GRIN3A: variants seen among roughly 807,000 people sequenced by gnomAD.
The protein encoded by GRIN3A is glutamate receptor ionotropic, NMDA 3A.
GRIN3A carries 47 observed loss-of-function variants against 92.4 expected under a neutral mutation model. The observed-to-expected ratio is 0.51, with a 90% CI of 0.40 to 0.65. The LOEUF (loss-of-function observed/expected upper bound fraction) is 0.65. GRIN3A is among the 30% of genes least tolerant of loss of function. GRIN3A has a pLI of 0.00. For synonymous variants in GRIN3A, 527 were observed against 540.6 expected (o/e 0.97, Z 0.35); for missense variants, 1,324 against 1,393.1 (o/e 0.95, Z 0.79).
At chr9:101,628,921 G>T (rs1171315661) in intron 3 of GRIN3A, among the ~76,000 whole-genome samples, 1 of 149,364 alleles carries the variant, frequency 6.7e-6, no homozygotes, top group Non-Finnish European at 1.5e-5. Context: ...TTCATAAAAT[G>T]TTCTCATCTA....
At chr9:101,605,096 C>A (rs1235659069) in intron 6 of GRIN3A, among the ~76,000 whole-genome samples, 1 of 152,244 alleles carries the variant, frequency 6.6e-6, no homozygotes, top group Non-Finnish European at 1.5e-5. Flanking sequence ...CCCATATCTT[C>A]AATTAGTTAG....
Position 101,610,127 on chromosome 9 carries a change from T to C in GRIN3A, c.2766+3249A>G, listed in dbSNP as rs547195943. On this transcript the variant is annotated intron_variant, in intron 6 of 8. Coordinates refer to ENST00000361820, the MANE Select transcript of GRIN3A (RefSeq NM_133445.3). ...TAGGCAACTGGTTTGTTTCCTTCCT[T>C]GGTTGAATTAACTCAATTGACTGGT... Among the ~76,000 whole-genome samples, 18 of 152,352 alleles carry C rather than the reference T, an allele frequency of 1.2e-4. No individual in the cohort carries two copies. The East Asian group carries it at 2.3e-3, about 20-fold the overall frequency.
At chr9:101,709,867 T>C (rs1393531445) in intron 1 of GRIN3A, among the ~76,000 whole-genome samples, 1 of 152,214 alleles carries the variant, frequency 6.6e-6, no homozygotes, top group Admixed American at 6.5e-5. Flanking sequence ...CATTTATTCC[T>C]TTTTCAGTTA....
At chr9:101,598,790 G>A (rs1166506193) in intron 6 of GRIN3A, among the ~76,000 whole-genome samples, 2 of 152,212 alleles carry the variant, frequency 1.3e-5, no homozygotes, top group South Asian at 2.1e-4. Flanking sequence ...CTGCTCACAC[G>A]CTATACCAGC....
Position 101,628,266 on chromosome 9 carries a change from C to T in GRIN3A, c.2488G>A (p.Glu830Lys), listed in dbSNP as rs960894555. 9 of 1,613,798 alleles carry T rather than the reference C, an allele frequency of 5.6e-6. No homozygotes were observed. The highest frequency in any genetic ancestry group is 1.7e-5 in the Admixed American group (1 of 59,958). The change falls in exon 4 of 9, where the codon GAG becomes AAG. Residue 830 changes from glutamate (E) to lysine (K), a missense_variant. Physicochemically the swap from Glu to Lys is moderately conservative, Grantham distance 56. Transcript: ENST00000361820. Reference protein sequence around the residue: ...YNVPATPDGVEYLKNDPEKLD... With the variant: ...YNVPATPDGVKYLKNDPEKLD... ...GAGGTTGACACTCACTTCAGATACT[C>T]CACTCCATCAGGGGTGGCTGGAACA...
At chr9:101,606,574 T>A (rs949215658) in intron 6 of GRIN3A, among the ~76,000 whole-genome samples, 1 of 152,216 alleles carries the variant, frequency 6.6e-6, no homozygotes, top group Non-Finnish European at 1.5e-5. Flanking sequence ...GTATCTTAAC[T>A]GGTTTCCTTA....
intron 6 of GRIN3A, among the ~76,000 whole-genome samples, chr9:101,607,904 G>C: frequency 6.6e-6 from 1 of 152,218 alleles, no homozygotes; most frequent in East Asian, 1.9e-4. Flanking sequence ...GGCAGAGGCT[G>C]TTTGCGCAGA....
chr9:101,726,639 C>T (rs898954759), intron 1 of GRIN3A, among the ~76,000 whole-genome samples: 6 of 151,564 alleles, frequency 4.0e-5, no homozygotes, highest in African/African-American at 1.2e-4. Flanking sequence ...ATAGAAGTCA[C>T]TACCCATATG....
rs2118771998 is a variant in GRIN3A at position 101,572,183 on chromosome 9, T to A, written c.*991A>T. ...GTTCCCGGGCTGGAGGTTTTGGGAT[T>A]TCTATGCTAAGCGATGGGTGACTGC... On this transcript the variant is annotated 3_prime_UTR_variant, in exon 9 of 9. Coordinates refer to ENST00000361820, the MANE Select transcript of GRIN3A (RefSeq NM_133445.3). The A allele has an allele frequency of 6.5e-6, 1 of 152,974 alleles. No homozygotes were observed. The highest frequency in any genetic ancestry group is 2.4e-5 in the African/African-American group (1 of 41,570). The allele number at this position is 152,974 out of a possible 1,614,324, so 9.5% of individuals were successfully genotyped here.
rs148822090 is a variant in GRIN3A, at chr9:101,695,653, C to T, written c.700-8453G>A. Reference sequence around the variant, plus strand: ...AGGAAGCTTCATCACATGCCTGACACGTAGTAACTGCTTGATAAATATTAG... The same window carrying T: ...AGGAAGCTTCATCACATGCCTGACATGTAGTAACTGCTTGATAAATATTAG... On this transcript the variant is annotated intron_variant, in intron 1 of 8. Transcript: ENST00000361820. 1.5e-3 allele frequency among the ~76,000 whole-genome samples: 231 copies of T among 152,236 alleles called. 4 individuals carry two copies. The highest frequency in any genetic ancestry group is 5.4e-3 in the African/African-American group (225 of 41,558).
intron 1 of GRIN3A, among the ~76,000 whole-genome samples, chr9:101,720,417 G>A (rs1204396356): frequency 6.6e-6 from 1 of 152,158 alleles, no homozygotes; most frequent in Non-Finnish European, 1.5e-5. Context: ...GTTTCCCAAA[G>A]CTCTACAGAT....
intron 3 of GRIN3A, among the ~76,000 whole-genome samples, chr9:101,632,728 T>C (rs1443918494): frequency 6.6e-6 from 1 of 152,154 alleles, no homozygotes; most frequent in Non-Finnish European, 1.5e-5. Flanking sequence ...AAAAGGGATC[T>C]AAGAAGCTAT....
Position 101,580,378 on chromosome 9 carries a change from T to C in GRIN3A, c.2767-1018A>G, listed in dbSNP as rs549309232. 1.6e-4 allele frequency among the ~76,000 whole-genome samples: 25 copies of C among 152,172 alleles called. No individual in the cohort carries two copies. In the South Asian group the frequency reaches 5.2e-3, roughly 32 times the overall value. On this transcript the variant is annotated intron_variant, in intron 6 of 8. Coordinates refer to ENST00000361820, the MANE Select transcript of GRIN3A (RefSeq NM_133445.3). ...TCCACTGTGCAAATGGCCCCTGGAG[T>C]TGTGCCAAGGCCCTGGGTCTGGACC... is the stretch of plus-strand genomic sequence containing the variant.
chr9:101,709,180 G>A (rs896954700), intron 1 of GRIN3A, among the ~76,000 whole-genome samples: 4 of 151,884 alleles, frequency 2.6e-5, no homozygotes, highest in South Asian at 2.1e-4. Context: ...ACATGATAAA[G>A]GAAGCTAATG....
At chr9:101,678,522 G>A (rs2118965926) in intron 2 of GRIN3A, among the ~76,000 whole-genome samples, 1 of 152,118 alleles carries the variant, frequency 6.6e-6, no homozygotes, top group East Asian at 1.9e-4. Flanking sequence ...TCAGTTAATG[G>A]TCAACAGCAA....
chr9:101,643,849 A>T (rs1219199720), intron 3 of GRIN3A, among the ~76,000 whole-genome samples: 1 of 151,684 alleles, frequency 6.6e-6, no homozygotes, highest in African/African-American at 2.4e-5. Context: ...TCAAAAAAAA[A>T]TTCAAACTTG....
Position 101,587,679 on chromosome 9 carries a change from C to A in GRIN3A, c.2767-8319G>T, listed in dbSNP as rs180720531. 6.6e-5 allele frequency among the ~76,000 whole-genome samples: 10 copies of A among 152,256 alleles called. No homozygotes were observed. The East Asian group carries it at 1.5e-3, about 23-fold the overall frequency. On this transcript the variant is annotated intron_variant, in intron 6 of 8. Coordinates refer to ENST00000361820, the MANE Select transcript of GRIN3A (RefSeq NM_133445.3). ...GAAAATAATTGTATTTTTCAGTGAC[C>A]TAATGCACTAAGCTTTGTATCATCT...
At chr9:101,732,124 A>G (rs1830146291) in intron 1 of GRIN3A, among the ~76,000 whole-genome samples, 1 of 152,216 alleles carries the variant, frequency 6.6e-6, no homozygotes, top group Admixed American at 6.5e-5. Flanking sequence ...CTAAGAGAGT[A>G]TACAGTTATC....
chr9:101,663,560 G>A (rs1261418835), intron 3 of GRIN3A, among the ~76,000 whole-genome samples: 1 of 151,714 alleles, frequency 6.6e-6, no homozygotes, highest in East Asian at 2.0e-4. Flanking sequence ...CTTCTTTGTG[G>A]CAGCTTTCAT....
Sources: allele counts gnomAD v4.1 joint callset (sites outside exome capture counted in the v4.1 genomes callset), GRCh38; gene constraint gnomAD v4.1.1; transcripts MANE v1.5; gene names NCBI Gene and HGNC (gene_info 2026-07-23, HGNC 2026-07-21).